The following BIRC6 variants were observed in gnomAD, a reference collection of about 807,000 sequenced individuals.
BIRC6 encodes dual E2 ubiquitin-conjugating enzyme/E3 ubiquitin-protein ligase BIRC6.
BIRC6 carries 98 observed loss-of-function variants against 503.3 expected under a neutral mutation model. That is an observed-to-expected ratio of 0.19 (90% CI 0.17 to 0.23). BIRC6 has a LOEUF of 0.23. Among genes scored for constraint, BIRC6 ranks in the 10% least tolerant of loss-of-function variants. The probability of loss-of-function intolerance (pLI) is 1.00; values close to 1 mark genes in which losing one functional copy is unlikely to be tolerated. For missense variants in BIRC6, 5,360 were observed against 5,806.0 expected (o/e 0.92, Z 2.50); for synonymous variants, 2,240 against 2,078.7 (o/e 1.08, Z -2.11).
chr2:32,543,183 C>T, intron 61 of BIRC6, 58 bp from the exon 62 acceptor site: 1 of 1,505,294 alleles, frequency 6.6e-7, no homozygotes, highest in African/African-American at 1.4e-5. Flanking sequence ...TAAGTCTTTA[C>T]TTTGAATCTG....
At chr2:32,442,736 C>T (rs2045553897) in intron 19 of BIRC6, among the ~76,000 whole-genome samples, 1 of 152,180 alleles carries the variant, frequency 6.6e-6, no homozygotes, top group Non-Finnish European at 1.5e-5. Context: ...AACTCTTAAA[C>T]CCTTTTCACT....
chr2:32,428,616 C>T (rs1481240133), intron 10 of BIRC6, among the ~76,000 whole-genome samples: 1 of 152,164 alleles, frequency 6.6e-6, no homozygotes, highest in Admixed American at 6.5e-5. Flanking sequence ...TACTATTACC[C>T]ATTAATTTTT....
In BIRC6 at chr2:32,473,189, G is replaced by C. The variant is rs752699998; in HGVS notation, c.6670G>C (p.Asp2224His). 1.1e-5 allele frequency: 17 copies of C among 1,561,498 alleles called. No individual in the cohort carries two copies. The highest frequency in any genetic ancestry group is 1.4e-5 in the Non-Finnish European group (16 of 1,150,966). Residue 2224 changes from aspartate to histidine, a missense_variant, in exon 33 of 74, where the codon GAT (aspartate) becomes CAT (histidine). By Grantham distance (81) the Asp-to-His change is moderately conservative. This residue lies in a region of BIRC6 where 2,299 missense variants were observed against 2,267.2 expected (regional missense o/e 1.01). Coordinates refer to ENST00000421745, the MANE Select transcript of BIRC6 (RefSeq NM_016252.4). ...NRSSKGSSSL[D>H]RLYSRKIRKQ... ...ATCTTCTAAAGGCAGCAGTAGCCTT[G>C]ATAGATTATATTCCAGAAAAATCAG...
chr2:32,496,127 C>T (rs571922212), intron 45 of BIRC6, among the ~76,000 whole-genome samples: 9 of 152,192 alleles, frequency 5.9e-5, no homozygotes, highest in African/African-American at 1.9e-4. Context: ...CACCGCACCC[C>T]GCCTTCGTAG....
chr2:32,524,925 A>G lies in BIRC6; in HGVS notation c.11661A>G (p.Gln3887=). ...TCACAGCTAAATTAATTAGTGAACA[A>G]AAAGATGACAAAGAAAAGAAAAACC... The part of the protein sequence containing the change: ...PSITAKLISE[Q]KDDKEKKNHE... The change falls in exon 58 of 74, where the codon CAA becomes CAG. Residue 3887 remains glutamine (Q), a synonymous_variant. Transcript: ENST00000421745. 1 of 1,520,518 alleles carries G rather than the reference A, an allele frequency of 6.6e-7. No homozygotes were observed. Among genetic ancestry groups the G allele is most frequent in the South Asian group, 1.3e-5 (1 of 77,594 alleles). 94.2% of individuals were successfully genotyped at this position (1,520,518 alleles called of 1,614,324 possible).
intron 15 of BIRC6, among the ~76,000 whole-genome samples, chr2:32,438,726 AT>A (rs201890677): frequency 0.03 from 4,543 of 150,818 alleles, 133 homozygotes; most frequent in African/African-American, 0.082. Flanking sequence ...CGCCCCACTA[AT>A]TTTTTTTTGT....
intron 4 of BIRC6, among the ~76,000 whole-genome samples, chr2:32,389,226 G>GT (rs2038900280): frequency 6.6e-6 from 1 of 152,046 alleles, no homozygotes; most frequent in Admixed American, 6.5e-5. Context: ...TACTTGCTTA[G>GT]TAAATATTTT....
chr2:32,476,811 C>T (rs937053495), intron 34 of BIRC6, among the ~76,000 whole-genome samples: 2 of 152,122 alleles, frequency 1.3e-5, no homozygotes, highest in Admixed American at 1.3e-4. Flanking sequence ...GTGGTGCTCA[C>T]AAGGCTCAAA....
intron 23 of BIRC6, among the ~76,000 whole-genome samples, chr2:32,455,837 C>A (rs2047203863): frequency 6.6e-6 from 1 of 152,162 alleles, no homozygotes; most frequent in African/African-American, 2.4e-5. Context: ...TATGCCATCA[C>A]CTCTTTATTT....
At chr2:32,398,468 A>G (rs1253592886) in intron 6 of BIRC6, among the ~76,000 whole-genome samples, 1 of 152,222 alleles carries the variant, frequency 6.6e-6, no homozygotes, top group Non-Finnish European at 1.5e-5. Context: ...GATTGGATAC[A>G]TGATAAAATG....
At chr2:32,447,215 T>C (rs1224831104) in intron 21 of BIRC6, among the ~76,000 whole-genome samples, 11 of 148,622 alleles carry the variant, frequency 7.4e-5, no homozygotes, top group African/African-American at 2.7e-4. Flanking sequence ...CCCGCCTTTC[T>C]ATTCCACAAA....
Position 32,618,556 on chromosome 2 carries a change from CA to C in BIRC6, c.*653del, listed in dbSNP as rs1487840156. The C allele has an allele frequency of 1.3e-5, 2 of 152,394 alleles. No homozygotes were observed. The highest frequency in any genetic ancestry group is 3.9e-4 in the East Asian group (2 of 5,188). The allele number at this position is 152,394 out of a possible 1,614,324, so 9.4% of individuals were successfully genotyped here. A position where few individuals can be genotyped will look rare whatever the true frequency, so the allele number is the denominator to read the frequency against. ...TTTTATGCCTTCTAATTCTAAGATG[CA>C]GAAAAAAATAAATGAACATGATTTT... On this transcript the variant is annotated 3_prime_UTR_variant, in exon 74 of 74. Coordinates refer to ENST00000421745, the MANE Select transcript of BIRC6 (RefSeq NM_016252.4).
At chr2:32,362,846 C>T (rs558698776) in intron 1 of BIRC6, among the ~76,000 whole-genome samples, 24 of 151,864 alleles carry the variant, frequency 1.6e-4, no homozygotes, top group African/African-American at 5.8e-4. Context: ...TTTTTAAACA[C>T]CTGTCTAAAT....
At chr2:32,445,953 G>A (rs1210699051) in intron 21 of BIRC6, among the ~76,000 whole-genome samples, 1 of 151,874 alleles carries the variant, frequency 6.6e-6, no homozygotes, top group African/African-American at 2.4e-5. Context: ...CATCTCCCGG[G>A]TTCAAGCGAT....
chr2:32,419,945 T>C (rs2042763070), intron 10 of BIRC6, among the ~76,000 whole-genome samples: 1 of 152,228 alleles, frequency 6.6e-6, no homozygotes, highest in South Asian at 2.1e-4. Context: ...AAATACTTGT[T>C]TACATCCATG....
chr2:32,522,391 T>C (rs1008876043), intron 57 of BIRC6: 4 of 152,144 alleles, frequency 2.6e-5, no homozygotes, highest in Non-Finnish European at 4.4e-5. Context: ...TTTGTTGCTT[T>C]TAGACTTGCT....
intron 15 of BIRC6, among the ~76,000 whole-genome samples, chr2:32,438,284 A>G (rs2044968665): frequency 6.6e-6 from 1 of 152,224 alleles, no homozygotes; most frequent in African/African-American, 2.4e-5. Context: ...ATTTTGAAAC[A>G]GAATGTCAGA....
chr2:32,487,970 A>G (rs1423287058), intron 41 of BIRC6, among the ~76,000 whole-genome samples, 169 bp downstream of exon 41: 3 of 152,194 alleles, frequency 2.0e-5, no homozygotes, highest in Admixed American at 6.5e-5. Flanking sequence ...CAGTTTCTCA[A>G]TGATGGAACA....
chr2:32,562,148 T>C (rs1405898920), intron 65 of BIRC6, among the ~76,000 whole-genome samples: 1 of 152,232 alleles, frequency 6.6e-6, no homozygotes, highest in Non-Finnish European at 1.5e-5. Context: ...CTCTTCCTTA[T>C]TGAACTTTAG....
Sources: gnomAD v4.1 joint callset for allele counts (sites outside exome capture counted in the v4.1 genomes callset) on GRCh38, gnomAD v4.1.1 for gene constraint, gnomAD v4.1.1 regional missense constraint, MANE v1.5 for transcripts, NCBI Gene and HGNC (gene_info 2026-07-23, HGNC 2026-07-21) for gene names.